The following FNDC1 variants were observed in gnomAD, a reference collection of about 807,000 sequenced individuals.
The protein encoded by FNDC1 is fibronectin type III domain containing 1, also known as fibronectin type III domain-containing protein 1.
Under a neutral mutation model 168.0 loss-of-function variants are expected in FNDC1, and 96 were observed. The observed-to-expected ratio is 0.57, with a 90% CI of 0.48 to 0.68. The LOEUF (loss-of-function observed/expected upper bound fraction) is 0.68, where lower values mean the gene tolerates loss of function less well. FNDC1 is among the 30% of genes least tolerant of loss of function. The probability of loss-of-function intolerance (pLI) is 0.00; values close to 1 mark genes in which losing one functional copy is unlikely to be tolerated. For missense variants in FNDC1, 2,587 were observed against 2,482.1 expected (o/e 1.04, Z -0.90); for synonymous variants, 1,099 against 1,025.9 (o/e 1.07, Z -1.36).
At chr6:159,268,338 A>G (rs1777634262) in intron 22 of FNDC1, among the ~76,000 whole-genome samples, 1 of 152,228 alleles carries the variant, frequency 6.6e-6, no homozygotes, top group Non-Finnish European at 1.5e-5. Context: ...AGTACAGTCT[A>G]GCACCCTTTT....
intron 4 of FNDC1, among the ~76,000 whole-genome samples, chr6:159,200,851 G>A (rs1782365081): frequency 6.6e-6 from 1 of 152,224 alleles, no homozygotes; most frequent in South Asian, 2.1e-4. Context: ...CCTCTTCATA[G>A]GCAAATATGG....
Position 159,205,922 on chromosome 6 carries a change from A to G in FNDC1, c.460+5341A>G, listed in dbSNP as rs993939271. 4.6e-5 allele frequency among the ~76,000 whole-genome samples: 7 copies of G among 152,382 alleles called. No homozygotes were observed. The South Asian group carries it at 6.2e-4, about 14-fold the overall frequency. On this transcript the variant is annotated intron_variant, in intron 4 of 22. Coordinates refer to ENST00000297267, the MANE Select transcript of FNDC1 (RefSeq NM_032532.3). ...TGCATTTTGAGAATGTACTTAAAACACACCAAAGGTACACAGAAGAAAGAC... is the reference window on the plus strand; with the variant it reads ...TGCATTTTGAGAATGTACTTAAAACGCACCAAAGGTACACAGAAGAAAGAC...
chr6:159,257,109 G>A (rs1272858518), intron 18 of FNDC1, among the ~76,000 whole-genome samples: 3 of 152,218 alleles, frequency 2.0e-5, no homozygotes, highest in Admixed American at 6.5e-5. Context: ...TAGACTAGGC[G>A]TGGCTGGCCA....
chr6:159,184,684 A>T (rs903370758), intron 1 of FNDC1, among the ~76,000 whole-genome samples: 14 of 152,192 alleles, frequency 9.2e-5, no homozygotes, highest in African/African-American at 3.4e-4. Flanking sequence ...CAAGTGTTTA[A>T]CATAGTTAGA....
chr6:159,268,429 A>G (rs1202897211), intron 22 of FNDC1, among the ~76,000 whole-genome samples: 3 of 152,196 alleles, frequency 2.0e-5, no homozygotes, highest in African/African-American at 7.2e-5. Context: ...GATTCGAAAA[A>G]ATGCTGTAGG....
chr6:159,243,637 A>C (rs1583905911), intron 14 of FNDC1, among the ~76,000 whole-genome samples: 1 of 152,206 alleles, frequency 6.6e-6, no homozygotes, highest in Non-Finnish European at 1.5e-5. Context: ...AGCTTTTCAC[A>C]TTGGTGCTGA....
At chr6:159,180,230 C>T (rs1781851964) in intron 1 of FNDC1, among the ~76,000 whole-genome samples, 1 of 152,150 alleles carries the variant, frequency 6.6e-6, no homozygotes, top group Non-Finnish European at 1.5e-5. Flanking sequence ...ACACATCAGT[C>T]CAACCTCTGC....
rs554424674 is a variant in FNDC1, at chr6:159,177,070, G to A, written c.109+7365G>A. Among the ~76,000 whole-genome samples the A allele has an allele frequency of 5.9e-5, 9 of 152,288 alleles. No homozygotes were observed. In the South Asian group the frequency reaches 1.9e-3, roughly 32 times the overall value. On this transcript the variant is annotated intron_variant, in intron 1 of 22. Transcript: ENST00000297267. ...CTGGTAGGATTGATTTATAGTGCGGGTCTTGAACAGTTGAGTATGTTGGCT... is the reference window on the plus strand; with the variant it reads ...CTGGTAGGATTGATTTATAGTGCGGATCTTGAACAGTTGAGTATGTTGGCT...
intron 4 of FNDC1, among the ~76,000 whole-genome samples, chr6:159,213,475 A>G (rs1341987314): frequency 6.6e-6 from 1 of 152,194 alleles, no homozygotes; most frequent in Non-Finnish European, 1.5e-5. Flanking sequence ...GTCCTGGAAC[A>G]GAGAACTGCC....
chr6:159,196,377 A>C (rs1247133052), intron 1 of FNDC1, among the ~76,000 whole-genome samples: 1 of 152,204 alleles, frequency 6.6e-6, no homozygotes, highest in African/African-American at 2.4e-5. Flanking sequence ...CTCCAGAGGC[A>C]ATGGGCAATT....
Position 159,266,176 on chromosome 6 carries a change from C to A in FNDC1, c.5377C>A (p.Arg1793=), listed in dbSNP as rs763337015. ...GCAATATGTGAAGCGCACGTGGTAT[C>A]GAAAGTTCGTGGGAGTTGTTCTTTG... The part of the protein sequence containing the change: ...GRQYVKRTWY[R]KFVGVVLCNS... Residue 1793 remains arginine (R), a synonymous_variant, in exon 21 of 23, where the codon CGA becomes AGA. Transcript: ENST00000297267. 6.2e-7 allele frequency: 1 copy of A among 1,613,934 alleles called. No homozygotes were observed. Among genetic ancestry groups the A allele is most frequent in the South Asian group, 1.1e-5 (1 of 91,078 alleles).
intron 4 of FNDC1, among the ~76,000 whole-genome samples, chr6:159,206,860 C>A (rs1782495939): frequency 6.6e-6 from 1 of 152,190 alleles, no homozygotes; most frequent in African/African-American, 2.4e-5. Context: ...GCCCACTACT[C>A]CCTCCCAAGG....
At chr6:159,209,053 G>A (rs1782545321) in intron 4 of FNDC1, among the ~76,000 whole-genome samples, 2 of 151,970 alleles carry the variant, frequency 1.3e-5, no homozygotes, top group African/African-American at 4.8e-5. Flanking sequence ...CTCCATGTTG[G>A]TCAGGCTGGT....
In FNDC1 at chr6:159,234,006, G is replaced by T. The variant is rs769741285; in HGVS notation, c.3494G>T (p.Arg1165Leu). The T allele has an allele frequency of 1.9e-6, 3 of 1,607,326 alleles. No homozygotes were observed. The highest frequency in any genetic ancestry group is 1.3e-5 in the African/African-American group (1 of 74,816). The part of the protein sequence containing the change: ...APGKSEPPSK[R>L]PLSSKSQQSV... The stretch of plus-strand genomic sequence containing the variant: ...GGGAAGTCGGAGCCTCCTTCCAAGC[G>T]GCCCCTGTCCTCCAAGTCCCAGCAG... Residue 1165 changes from arginine (R) to leucine (L), a missense_variant, in exon 11 of 23, where the codon CGG (arginine) becomes CTG (leucine). Coordinates refer to ENST00000297267, the MANE Select transcript of FNDC1 (RefSeq NM_032532.3).
intron 1 of FNDC1, among the ~76,000 whole-genome samples, chr6:159,171,020 C>T (rs372998339): frequency 6.6e-5 from 10 of 152,088 alleles, no homozygotes; most frequent in Admixed American, 3.9e-4. Context: ...CCAGTGCTGC[C>T]CTGGCTTTGT....
rs199974508 is a variant in FNDC1 at position 159,266,219 on chromosome 6, A to C, written c.5420A>C (p.Lys1807Thr). The C allele has an allele frequency of 8.2e-5, 132 of 1,613,952 alleles. No homozygotes were observed. The African/African-American group carries it at 1.6e-3, about 20-fold the overall frequency. ...GTTCTTTGTAATTCACTGAGGTATA[A>C]AATCTACCTCAGTGACAACCTGAAA... ...GVVLCNSLRY[K>T]IYLSDNLKDT... The change falls in exon 21 of 23, where the codon AAA (lysine) becomes ACA (threonine). Residue 1807 changes from lysine to threonine, a missense_variant. Transcript: ENST00000297267.
intron 1 of FNDC1, among the ~76,000 whole-genome samples, chr6:159,195,076 A>G (rs895101305): frequency 1.3e-5 from 2 of 152,104 alleles, no homozygotes; most frequent in African/African-American, 4.8e-5. Context: ...GGCTTAAGGC[A>G]TTTTGAGAAC....
chr6:159,178,436 C>T (rs1781811973), intron 1 of FNDC1, among the ~76,000 whole-genome samples: 2 of 152,080 alleles, frequency 1.3e-5, no homozygotes, highest in South Asian at 4.2e-4. Flanking sequence ...TACCATGTAC[C>T]CTCCACCTAG....
At chr6:159,213,953 T>C (rs1583876247) in intron 4 of FNDC1, among the ~76,000 whole-genome samples, 1 of 152,324 alleles carries the variant, frequency 6.6e-6, no homozygotes, top group East Asian at 1.9e-4. Flanking sequence ...AATTGTGATA[T>C]TAGATTTTGT....
Sources: allele counts gnomAD v4.1 joint callset (sites outside exome capture counted in the v4.1 genomes callset), GRCh38; gene constraint gnomAD v4.1.1; transcripts MANE v1.5; gene names NCBI Gene and HGNC (gene_info 2026-07-23, HGNC 2026-07-21).